CPQ: variants seen among roughly 807,000 people sequenced by gnomAD.
CPQ encodes the protein carboxypeptidase Q.
In CPQ, 37 loss-of-function variants were observed where a neutral mutation model predicts 45.7. The ratio of observed to expected loss-of-function variants is 0.81; its 90% CI spans 0.62 to 1.07. The LOEUF is 1.07. CPQ is among the 50% of genes least tolerant of loss of function. The pLI is 0.00. For missense variants in CPQ, 537 were observed against 572.9 expected (o/e 0.94, Z 0.64); for synonymous variants, 186 against 205.8 (o/e 0.90, Z 0.82).
intron 4 of CPQ, among the ~76,000 whole-genome samples, chr8:96,905,276 A>G (rs577008781): frequency 8.9e-4 from 136 of 152,224 alleles, no homozygotes; most frequent in Admixed American, 1.2e-3. Flanking sequence ...CCATGATCCA[A>G]TCACCTCCCA....
intron 5 of CPQ, among the ~76,000 whole-genome samples, chr8:97,026,442 C>T (rs1242150254): frequency 1.3e-5 from 2 of 152,224 alleles, no homozygotes; most frequent in Admixed American, 6.5e-5. Context: ...CTGTACCCTA[C>T]ACCGTCCATC....
intron 7 of CPQ, among the ~76,000 whole-genome samples, chr8:97,120,999 C>T (rs1333272350): frequency 1.3e-5 from 2 of 152,124 alleles, no homozygotes; most frequent in African/African-American, 4.8e-5. Context: ...TTCTGTATTA[C>T]AGATGAAGAA....
chr8:97,108,984 C>G (rs1811454981), intron 7 of CPQ, among the ~76,000 whole-genome samples: 1 of 152,204 alleles, frequency 6.6e-6, no homozygotes, highest in Non-Finnish European at 1.5e-5. Flanking sequence ...CTCAGCATAG[C>G]TTGTAACTCA....
chr8:97,007,547 C>G (rs985608857), intron 5 of CPQ, among the ~76,000 whole-genome samples: 1 of 152,190 alleles, frequency 6.6e-6, no homozygotes, highest in Non-Finnish European at 1.5e-5. Context: ...CTATTTGACA[C>G]TGTCCTTAGA....
chr8:97,010,486 G>A (rs1257831509), intron 5 of CPQ, among the ~76,000 whole-genome samples: 1 of 152,126 alleles, frequency 6.6e-6, no homozygotes, highest in Non-Finnish European at 1.5e-5. Context: ...AAAATTAAAT[G>A]AGATAATGTC....
intron 1 of CPQ, among the ~76,000 whole-genome samples, chr8:96,697,050 A>G (rs1278941699): frequency 6.6e-6 from 1 of 152,170 alleles, no homozygotes. Context: ...CAAAAACCAA[A>G]CAATGACACA....
At chr8:96,689,793 C>G (rs111422904) in intron 1 of CPQ, among the ~76,000 whole-genome samples, 3,693 of 152,196 alleles carry the variant, frequency 0.024, 165 homozygotes, top group African/African-American at 0.084. Context: ...TTTTGGCTAA[C>G]ATCAAGTGTA....
At chr8:96,713,503 A>G (rs1809639677) in intron 1 of CPQ, among the ~76,000 whole-genome samples, 1 of 152,172 alleles carries the variant, frequency 6.6e-6, no homozygotes, top group South Asian at 2.1e-4. Context: ...AAGCAAACAC[A>G]TCCTTCTTCA....
At chr8:96,926,576 C>CTCTTCTTCTTCTTCTTCT (rs60745622) in intron 4 of CPQ, among the ~76,000 whole-genome samples, 2,299 of 74,994 alleles carry the variant, frequency 0.031, 107 homozygotes, top group Middle Eastern at 0.042. Flanking sequence ...CTTCCTCTTC[C>CTCTTCTTCTTCTTCTTCT]TCTTCTTCTT....
rs576919819 is a variant in CPQ at position 96,897,739 on chromosome 8, T to G, written c.849+17734T>G. ...ATCTGAAAATTCCAAAATCCAAACA[T>G]TTCTGGTCCCAAGCATTTCAGACAA... On this transcript the variant is annotated intron_variant, in intron 4 of 7. Transcript: ENST00000220763. Among the ~76,000 whole-genome samples, 300 of 152,274 alleles carry G rather than the reference T, an allele frequency of 2.0e-3. 2 individuals are homozygous for G. Among genetic ancestry groups the G allele is most frequent in the African/African-American group, 6.7e-3 (279 of 41,558 alleles).
At chr8:96,803,683 A>C (rs1811037106) in intron 2 of CPQ, among the ~76,000 whole-genome samples, 1 of 151,232 alleles carries the variant, frequency 6.6e-6, no homozygotes, top group Non-Finnish European at 1.5e-5. Context: ...ATAACAATGG[A>C]CCAGTGTAGT....
At chr8:97,016,093 A>T (rs572200297) in intron 5 of CPQ, among the ~76,000 whole-genome samples, 200 of 152,254 alleles carry the variant, frequency 1.3e-3, no homozygotes, top group African/African-American at 4.5e-3. Context: ...TAATTTTAAA[A>T]ATAAAATAAT....
chr8:96,926,731 G>C (rs924986898), intron 4 of CPQ, among the ~76,000 whole-genome samples: 2 of 151,222 alleles, frequency 1.3e-5, no homozygotes, highest in African/African-American at 4.9e-5. Flanking sequence ...AGAACGTCCA[G>C]GTTTATTACA....
chr8:96,994,257 G>C (rs1016108182), intron 5 of CPQ, among the ~76,000 whole-genome samples: 3 of 152,074 alleles, frequency 2.0e-5, no homozygotes, highest in Non-Finnish European at 4.4e-5. Context: ...AAAAATACTA[G>C]GGCCTGGAAA....
At chr8:97,034,096 AG>A (rs1221482942) in intron 6 of CPQ, among the ~76,000 whole-genome samples, 4 of 151,280 alleles carry the variant, frequency 2.6e-5, no homozygotes, top group African/African-American at 9.8e-5. Flanking sequence ...TAAATTATAA[AG>A]GATGTGAGGC....
Position 96,703,018 on chromosome 8 carries a change from T to G in CPQ, c.-35+57616T>G, listed in dbSNP as rs1809487897. 2.6e-5 allele frequency among the ~76,000 whole-genome samples: 4 copies of G among 152,278 alleles called. No individual in the cohort carries two copies. The South Asian group carries it at 8.3e-4, about 32-fold the overall frequency. On this transcript the variant is annotated intron_variant, in intron 1 of 7. Coordinates refer to ENST00000220763, the MANE Select transcript of CPQ (RefSeq NM_016134.4). ...AGTTCTGTTGGTTGTGAGTACAATG[T>G]TAATGAATCAATAGATAGATATTAA...
intron 7 of CPQ, among the ~76,000 whole-genome samples, chr8:97,137,798 A>G (rs1352587211): frequency 2.6e-5 from 4 of 152,038 alleles, no homozygotes; most frequent in South Asian, 2.1e-4. Flanking sequence ...GCGTGGTGGC[A>G]GGCGCCTGTA....
At chr8:96,667,385 G>A (rs377741172) in intron 1 of CPQ, among the ~76,000 whole-genome samples, 2 of 137,170 alleles carry the variant, frequency 1.5e-5, no homozygotes, top group African/African-American at 5.5e-5. Context: ...GTCTCACACT[G>A]TCACCTGGGC....
intron 1 of CPQ, among the ~76,000 whole-genome samples, chr8:96,698,986 A>G (rs1034602290): frequency 6.6e-6 from 1 of 152,326 alleles, no homozygotes; most frequent in African/African-American, 2.4e-5. Flanking sequence ...CCAGCTATAT[A>G]CCCAAAAGGA....
Sources: allele counts gnomAD v4.1 joint callset (sites outside exome capture counted in the v4.1 genomes callset), GRCh38; gene constraint gnomAD v4.1.1; transcripts MANE v1.5; gene names NCBI Gene and HGNC (gene_info 2026-07-23, HGNC 2026-07-21).